Variants in SRD5A2 observed in about 807,000 individuals in gnomAD.
SRD5A2 encodes 3-oxo-5-alpha-steroid 4-dehydrogenase 2.
Under a neutral mutation model 27.4 loss-of-function variants are expected in SRD5A2, and 30 were observed. The observed-to-expected ratio is 1.10, with a 90% CI of 0.82 to 1.49. The LOEUF is 1.49. SRD5A2 is among the 40% of genes most tolerant of loss of function. The pLI, the probability that SRD5A2 is intolerant of heterozygous loss-of-function variation, is 0.00. For missense variants in SRD5A2, 348 were observed against 323.4 expected (o/e 1.08, Z -0.58); for synonymous variants, 141 against 133.6 (o/e 1.06, Z -0.38).
Position 31,524,019 on chromosome 2 carries a change from A to G in SRD5A2, c.*2177T>C, listed in dbSNP as rs545488508. ...GGCAACAGGACTGGGGTTGGACCTAATTAAGTCAAGGTTGGACTAAATACT... is the reference window on the plus strand; with the variant it reads ...GGCAACAGGACTGGGGTTGGACCTAGTTAAGTCAAGGTTGGACTAAATACT... On this transcript the variant is annotated 3_prime_UTR_variant, in exon 5 of 5. Transcript: ENST00000622030. 2 of 220,886 alleles carry G rather than the reference A, an allele frequency of 9.1e-6. No homozygotes were observed. Among genetic ancestry groups the G allele is most frequent in the South Asian group, 3.7e-4 (2 of 5,422 alleles). The allele number at this position is 220,886 out of a possible 1,614,324, so 13.7% of individuals were successfully genotyped here. A position where few individuals can be genotyped will look rare whatever the true frequency, so the allele number is the denominator to read the frequency against.
the SRD5A2 span, among the ~76,000 whole-genome samples, chr2:31,657,715 T>C: frequency 4.6e-5 from 7 of 152,276 alleles, no homozygotes; most frequent in African/African-American, 1.7e-4. Flanking sequence ...ACAAATTGAT[T>C]GAAGAGTTAA....
At chr2:31,538,076 C>A (rs761657845) in intron 1 of SRD5A2, among the ~76,000 whole-genome samples, 13 of 152,274 alleles carry the variant, frequency 8.5e-5, no homozygotes, top group South Asian at 6.2e-4. Context: ...ACAGCAAGTC[C>A]CAAATTGATA....
chr2:31,611,529 CA>C, the SRD5A2 span, among the ~76,000 whole-genome samples: 1 of 152,018 alleles, frequency 6.6e-6, no homozygotes, highest in Non-Finnish European at 1.5e-5. Context: ...TAAAAATAGG[CA>C]AAAGACTTAA....
chr2:31,586,395 G>A, the SRD5A2 span, among the ~76,000 whole-genome samples: 1 of 152,310 alleles, frequency 6.6e-6, no homozygotes, highest in Admixed American at 6.5e-5. Flanking sequence ...AGAGCCCCAA[G>A]GCCTTGAGCA....
the SRD5A2 span, among the ~76,000 whole-genome samples, chr2:31,623,815 A>G: frequency 6.6e-6 from 1 of 152,038 alleles, no homozygotes; most frequent in Non-Finnish European, 1.5e-5. Context: ...AACATGAAGC[A>G]ATGTTGAATT....
At chr2:31,658,667 C>A in the SRD5A2 span, among the ~76,000 whole-genome samples, 1 of 151,708 alleles carries the variant, frequency 6.6e-6, no homozygotes, top group South Asian at 2.1e-4. Context: ...AAGGTTGAAC[C>A]AGGAAGAAAC....
At chr2:31,529,207 TTAAA>T in intron 4 of SRD5A2, 96 bp downstream of exon 4, 1 of 1,486,964 alleles carries the variant, frequency 6.7e-7, no homozygotes. Context: ...CCTTAAAAAA[TTAAA>T]TATCTTCGGT....
At chr2:31,583,750 G>A (rs995175973), upstream of SRD5A2, among the ~76,000 whole-genome samples, 1 of 150,826 alleles carries the variant, frequency 6.6e-6, no homozygotes, top group Non-Finnish European at 1.5e-5. Flanking sequence ...GAATCATACA[G>A]TACTTACTCT....
upstream of SRD5A2, among the ~76,000 whole-genome samples, chr2:31,584,942 C>T (rs1392920957): frequency 6.6e-6 from 1 of 152,210 alleles, no homozygotes; most frequent in Non-Finnish European, 1.5e-5. Flanking sequence ...GCCACCCCTC[C>T]ATCACACCCT....
At chr2:31,526,394 T>C (rs1665782640) in intron 4 of SRD5A2, 132 bp from the exon 5 acceptor site, 3 of 658,046 alleles carry the variant, frequency 4.6e-6, no homozygotes, top group Admixed American at 4.6e-5. Context: ...TGGTCACTTA[T>C]GATTCTTATT....
chr2:31,618,980 C>T, the SRD5A2 span, among the ~76,000 whole-genome samples: 1 of 152,056 alleles, frequency 6.6e-6, no homozygotes, highest in Non-Finnish European at 1.5e-5. Flanking sequence ...AATTTTCCCT[C>T]CAAAATTTTA....
chr2:31,599,374 A>G, the SRD5A2 span, among the ~76,000 whole-genome samples: 2 of 152,206 alleles, frequency 1.3e-5, no homozygotes, highest in Non-Finnish European at 2.9e-5. Context: ...TTTCCTCAGC[A>G]CATGGATTAT....
chr2:31,529,298 A>T lies in SRD5A2; in HGVS notation c.698+9T>A, dbSNP rs1340520288. ...ACGTGAATGCTGCCGCTTTTATTGAAAAATTTACCTATGGTGGTGAAAAGC... is the reference window on the plus strand; with the variant it reads ...ACGTGAATGCTGCCGCTTTTATTGATAAATTTACCTATGGTGGTGAAAAGC... On this transcript the variant is annotated intron_variant, in intron 4 of 4. Coordinates refer to ENST00000622030, the MANE Select transcript of SRD5A2 (RefSeq NM_000348.4). 1.2e-6 allele frequency: 2 copies of T among 1,613,710 alleles called. No individual in the cohort carries two copies. The highest frequency in any genetic ancestry group is 2.2e-5 in the South Asian group (2 of 91,010).
At chr2:31,626,480 A>G in the SRD5A2 span, among the ~76,000 whole-genome samples, 1 of 152,126 alleles carries the variant, frequency 6.6e-6, no homozygotes, top group African/African-American at 2.4e-5. Flanking sequence ...TCAGTATGAT[A>G]TTGGCTGTGG....
the SRD5A2 span, among the ~76,000 whole-genome samples, chr2:31,623,193 A>G: frequency 6.6e-6 from 1 of 152,068 alleles, no homozygotes; most frequent in Non-Finnish European, 1.5e-5. Context: ...TGATGTTGCA[A>G]ATTGTCTCTA....
intron 1 of SRD5A2, among the ~76,000 whole-genome samples, chr2:31,536,419 G>A (rs1237060071): frequency 6.6e-6 from 1 of 152,172 alleles, no homozygotes; most frequent in African/African-American, 2.4e-5. Flanking sequence ...GCAGGCAAAG[G>A]AAGAGAGAGG....
At chr2:31,603,728 A>G in the SRD5A2 span, among the ~76,000 whole-genome samples, 1 of 151,938 alleles carries the variant, frequency 6.6e-6, no homozygotes, top group African/African-American at 2.4e-5. Flanking sequence ...AAGGAATGAG[A>G]CCATGTCGCA....
At position 31,522,957 on chromosome 2, in the gene SRD5A2, T is replaced by C. The variant is rs1020839820; in HGVS notation, c.*3239A>G. On this transcript the variant is annotated 3_prime_UTR_variant, in exon 5 of 5. Transcript: ENST00000622030. Reference sequence around the variant, plus strand: ...TAACCACAAAAATCCAAGAGAGCTATTATCAAACTTCAGGGTTGTAAAACC... The same window carrying C: ...TAACCACAAAAATCCAAGAGAGCTACTATCAAACTTCAGGGTTGTAAAACC... 1.4e-5 allele frequency: 3 copies of C among 221,248 alleles called. No individual in the cohort carries two copies. The highest frequency in any genetic ancestry group is 6.7e-5 in the African/African-American group (3 of 44,592). The allele number at this position is 221,248 out of a possible 1,614,324, so 13.7% of individuals were successfully genotyped here.
At chr2:31,619,378 G>T in the SRD5A2 span, among the ~76,000 whole-genome samples, 7 of 152,060 alleles carry the variant, frequency 4.6e-5, no homozygotes, top group Non-Finnish European at 5.9e-5. Context: ...CTTTGCTATT[G>T]TGAATAGTGC....
Sources: allele counts gnomAD v4.1 joint callset (sites outside exome capture counted in the v4.1 genomes callset), GRCh38; gene constraint gnomAD v4.1.1; transcripts MANE v1.5; gene names NCBI Gene and HGNC (gene_info 2026-07-23, HGNC 2026-07-21).